The following DPP10 variants were observed in gnomAD, a reference collection of about 807,000 sequenced individuals.
DPP10 encodes the protein inactive dipeptidyl peptidase 10.
DPP10 carries 33 observed loss-of-function variants against 120.9 expected under a neutral mutation model. That is an observed-to-expected ratio of 0.27 (90% CI 0.21 to 0.37). DPP10 has a LOEUF of 0.37. DPP10 is among the 10% of genes least tolerant of loss of function. DPP10 has a pLI of 1.00. For synonymous variants in DPP10, 337 were observed against 326.1 expected (o/e 1.03, Z -0.36); for missense variants, 816 against 942.8 (o/e 0.87, Z 1.76).
chr2:115,382,529 C>T (rs1161109753), intron 3 of DPP10, among the ~76,000 whole-genome samples: 1 of 152,232 alleles, frequency 6.6e-6, no homozygotes, highest in Non-Finnish European at 1.5e-5. Flanking sequence ...CTGCATCTCT[C>T]ACCCTGGGAG....
At chr2:114,498,755 A>G (rs990391636) in intron 1 of DPP10, among the ~76,000 whole-genome samples, 6 of 152,180 alleles carry the variant, frequency 3.9e-5, no homozygotes, top group African/African-American at 1.2e-4. Context: ...TGACCCAATC[A>G]TCACCTAAAG....
chr2:115,515,888 A>G (rs148581395), intron 4 of DPP10, among the ~76,000 whole-genome samples: 2 of 152,268 alleles, frequency 1.3e-5, no homozygotes, highest in African/African-American at 4.8e-5. Context: ...AAAATGAATA[A>G]TGAAAAAATA....
intron 1 of DPP10, among the ~76,000 whole-genome samples, chr2:115,124,347 C>T (rs1418090958): frequency 6.6e-6 from 1 of 152,156 alleles, no homozygotes; most frequent in East Asian, 1.9e-4. Context: ...CTTGATTCAC[C>T]TCTGCACACC....
chr2:115,189,964 G>T (rs1289756440), intron 1 of DPP10, among the ~76,000 whole-genome samples: 1 of 152,128 alleles, frequency 6.6e-6, no homozygotes, highest in Non-Finnish European at 1.5e-5. Context: ...CAATGCCTTT[G>T]TTATACTTCC....
At chr2:115,054,455 C>A (rs565834810) in intron 1 of DPP10, among the ~76,000 whole-genome samples, 2 of 152,040 alleles carry the variant, frequency 1.3e-5, no homozygotes, top group Non-Finnish European at 2.9e-5. Context: ...GTAGACTGTC[C>A]CTTCAATAAT....
chr2:115,621,653 T>TA (rs879659261), intron 5 of DPP10, among the ~76,000 whole-genome samples: 2 of 152,198 alleles, frequency 1.3e-5, no homozygotes, highest in African/African-American at 2.4e-5. Context: ...TACCTGTTAT[T>TA]AAAAAAAATT....
intron 1 of DPP10, among the ~76,000 whole-genome samples, chr2:115,286,393 TC>T (rs1302288033): frequency 1.4e-5 from 2 of 147,910 alleles, no homozygotes; most frequent in Non-Finnish European, 3.0e-5. Context: ...TAGAGCCACA[TC>T]TTTTTTTTTA....
intron 1 of DPP10, among the ~76,000 whole-genome samples, chr2:114,598,549 A>G (rs1166018273): frequency 1.3e-5 from 2 of 151,876 alleles, no homozygotes; most frequent in African/African-American, 4.8e-5. Flanking sequence ...TTGGTATTCA[A>G]GTGAACTTGA....
At chr2:115,714,523 CTG>C (rs2092426330) in intron 7 of DPP10, among the ~76,000 whole-genome samples, 1 of 152,200 alleles carries the variant, frequency 6.6e-6, no homozygotes, top group African/African-American at 2.4e-5. Context: ...CCTCTTATCT[CTG>C]TGCGTTTTCC....
intron 1 of DPP10, among the ~76,000 whole-genome samples, chr2:114,484,013 C>G (rs1025739554): frequency 3.3e-5 from 5 of 152,046 alleles, no homozygotes; most frequent in African/African-American, 1.2e-4. Context: ...GAGTCCGAGC[C>G]CTTTGTGTCA....
intron 1 of DPP10, chr2:114,461,487 T>C: frequency 2.7e-6 from 2 of 744,928 alleles, no homozygotes; most frequent in Non-Finnish European, 3.3e-6. Context: ...TTTGATTACC[T>C]GTCTCCCTCA....
chr2:115,222,593 C>T (rs1286111855), intron 1 of DPP10, among the ~76,000 whole-genome samples: 2 of 152,078 alleles, frequency 1.3e-5, no homozygotes, highest in Non-Finnish European at 2.9e-5. Flanking sequence ...TCCAACAAAC[C>T]TCTTTCTTTT....
chr2:115,426,708 A>G (rs2070502809), intron 3 of DPP10, among the ~76,000 whole-genome samples: 1 of 152,220 alleles, frequency 6.6e-6, no homozygotes, highest in Non-Finnish European at 1.5e-5. Context: ...ATGACATTTC[A>G]ACATGAGATT....
chr2:114,609,060 T>C (rs1166546456), intron 1 of DPP10, among the ~76,000 whole-genome samples: 1 of 151,536 alleles, frequency 6.6e-6, no homozygotes, highest in Non-Finnish European at 1.5e-5. Context: ...AATAAATAAA[T>C]AAAAGGTTAA....
chr2:115,275,281 GTCTC>G (rs771353902), intron 1 of DPP10, among the ~76,000 whole-genome samples: 5 of 152,130 alleles, frequency 3.3e-5, no homozygotes, highest in Admixed American at 6.5e-5. Context: ...TTAAATAATA[GTCTC>G]TCTCTATCTC....
chr2:114,755,274 T>C (rs980322353), intron 1 of DPP10, among the ~76,000 whole-genome samples: 15 of 152,276 alleles, frequency 9.9e-5, no homozygotes, highest in East Asian at 1.9e-4. Context: ...GACTAGAAAG[T>C]GGTTACACTG....
intron 1 of DPP10, among the ~76,000 whole-genome samples, chr2:114,509,642 T>C (rs914893520): frequency 2.6e-5 from 4 of 152,306 alleles, no homozygotes; most frequent in Admixed American, 6.5e-5. Flanking sequence ...TCTAAGAAAG[T>C]GAGTGGAGTA....
At chr2:114,559,891 C>CAAAAAAAAAAAAAGA (rs1688619539) in intron 1 of DPP10, among the ~76,000 whole-genome samples, 1 of 65,948 alleles carries the variant, frequency 1.5e-5, no homozygotes, top group Non-Finnish European at 3.1e-5. Context: ...AGAAAAAAAG[C>CAAAAAAAAAAAAAGA]AAAAAAAAAA....
At chr2:115,433,240 G>T (rs1284499651) in intron 3 of DPP10, among the ~76,000 whole-genome samples, 7 of 151,840 alleles carry the variant, frequency 4.6e-5, no homozygotes, top group African/African-American at 1.7e-4. Flanking sequence ...TCATTTTCAT[G>T]CCACTGCTTT....
Sources: allele counts gnomAD v4.1 joint callset (sites outside exome capture counted in the v4.1 genomes callset), GRCh38; gene constraint gnomAD v4.1.1; transcripts MANE v1.5; gene names NCBI Gene and HGNC (gene_info 2026-07-23, HGNC 2026-07-21).